The following WWOX variants were observed in gnomAD, a reference collection of about 807,000 sequenced individuals.
The protein encoded by WWOX is WW domain containing oxidoreductase.
A neutral mutation model predicts 46.2 loss-of-function variants in WWOX; 69 were observed. That is an observed-to-expected ratio of 1.49 (90% CI 1.23 to 1.82). The LOEUF (loss-of-function observed/expected upper bound fraction) is 1.82, where lower values mean the gene tolerates loss of function less well. WWOX is among the 40% of genes most tolerant of loss of function. The pLI, the probability that WWOX is intolerant of heterozygous loss-of-function variation, is 0.00. For synonymous variants in WWOX, 359 were observed against 202.6 expected, an observed-to-expected ratio of 1.77 and a Z score of -6.56; for missense variants, 919 against 542.6, an observed-to-expected ratio of 1.69 and a Z score of -6.89.
chr16:78,136,506 G>A (rs1470796053), intron 4 of WWOX, among the ~76,000 whole-genome samples: 1 of 152,082 alleles, frequency 6.6e-6, no homozygotes, highest in African/African-American at 2.4e-5. Context: ...TTCAAATCTA[G>A]AGGACAAAAC....
At chr16:78,365,669 G>T (rs2081520549) in intron 5 of WWOX, among the ~76,000 whole-genome samples, 1 of 152,126 alleles carries the variant, frequency 6.6e-6, no homozygotes, top group Non-Finnish European at 1.5e-5. Flanking sequence ...GTTTAGATTA[G>T]GAACAGATTG....
At chr16:78,530,448 C>A (rs910219996) in intron 8 of WWOX, among the ~76,000 whole-genome samples, 16 of 152,280 alleles carry the variant, frequency 1.1e-4, no homozygotes, top group African/African-American at 3.6e-4. Context: ...AGGTAATTTT[C>A]CCCTGGAGCT....
chr16:79,169,925 A>C lies in WWOX; in HGVS notation c.1057-41683A>C, dbSNP rs192001860. On this transcript the variant is annotated intron_variant, in intron 8 of 8. Coordinates refer to ENST00000566780, the MANE Select transcript of WWOX (RefSeq NM_016373.4). ...TGGAAAAAAACAACCCTCTATGTTG[A>C]TGGCCATGCACAGTGGCTCAGCAGA... Among the ~76,000 whole-genome samples the C allele has an allele frequency of 2.3e-3, 352 of 152,278 alleles. 1 individual carries two copies. Among genetic ancestry groups the C allele is most frequent in the African/African-American group, 7.9e-3 (328 of 41,566 alleles).
intron 8 of WWOX, among the ~76,000 whole-genome samples, chr16:78,939,131 G>A (rs1169345894): frequency 2.0e-5 from 3 of 152,168 alleles, no homozygotes; most frequent in Non-Finnish European, 4.4e-5. Context: ...CCATTGACTT[G>A]GGCTCGAAGT....
At chr16:79,128,984 G>C (rs1250710288) in intron 8 of WWOX, among the ~76,000 whole-genome samples, 1 of 152,168 alleles carries the variant, frequency 6.6e-6, no homozygotes, top group African/African-American at 2.4e-5. Flanking sequence ...TCCCTTCTCT[G>C]GGTTAGAAAT....
chr16:78,278,173 C>A (rs986773175), intron 5 of WWOX, among the ~76,000 whole-genome samples: 1 of 152,044 alleles, frequency 6.6e-6, no homozygotes, highest in African/African-American at 2.4e-5. Context: ...GCAGGCAGTG[C>A]GAAAACTGTA....
intron 8 of WWOX, among the ~76,000 whole-genome samples, chr16:78,435,248 C>T (rs1006056707): frequency 5.3e-5 from 8 of 152,062 alleles, no homozygotes; most frequent in African/African-American, 1.2e-4. Context: ...CAGTGAGCAC[C>T]GTACCTGTAG....
At chr16:78,204,316 A>C (rs2036324161) in intron 5 of WWOX, among the ~76,000 whole-genome samples, 1 of 152,068 alleles carries the variant, frequency 6.6e-6, no homozygotes, top group African/African-American at 2.4e-5. Flanking sequence ...TGTGGGGTAC[A>C]TCCGATGTTT....
intron 8 of WWOX, among the ~76,000 whole-genome samples, chr16:78,804,952 A>G (rs1362202187): frequency 2.0e-5 from 3 of 152,226 alleles, no homozygotes; most frequent in Admixed American, 1.3e-4. Context: ...ATTGCTACCA[A>G]TGTCTATGGA....
intron 8 of WWOX, among the ~76,000 whole-genome samples, chr16:78,751,027 C>G (rs558598588): frequency 4.6e-5 from 7 of 152,114 alleles, no homozygotes; most frequent in African/African-American, 9.6e-5. Flanking sequence ...ATTGCTAGGT[C>G]AAATGGTAAT....
chr16:79,011,809 A>G (rs1445054800), intron 8 of WWOX, among the ~76,000 whole-genome samples: 2 of 152,072 alleles, frequency 1.3e-5, no homozygotes, highest in South Asian at 2.1e-4. Context: ...TTTAAAAAAC[A>G]AAAAAACAAA....
intron 8 of WWOX, among the ~76,000 whole-genome samples, chr16:78,762,034 A>C (rs1337800969): frequency 1.3e-5 from 2 of 152,200 alleles, no homozygotes; most frequent in Non-Finnish European, 2.9e-5. Context: ...GATTGAAGAA[A>C]TATTACTCCT....
intron 8 of WWOX, among the ~76,000 whole-genome samples, chr16:78,557,241 C>T (rs557187438): frequency 6.6e-6 from 1 of 152,114 alleles, no homozygotes; most frequent in South Asian, 2.1e-4. Flanking sequence ...TTATTATTTA[C>T]CTTAAGACCT....
At chr16:78,901,838 C>T (rs1447396729) in intron 8 of WWOX, among the ~76,000 whole-genome samples, 1 of 152,172 alleles carries the variant, frequency 6.6e-6, no homozygotes, top group Non-Finnish European at 1.5e-5. Flanking sequence ...CTGTCGCTGC[C>T]CAGGATAGAG....
intron 4 of WWOX, among the ~76,000 whole-genome samples, chr16:78,147,682 T>TTGTTTTTG (rs1283129822): frequency 9.1e-6 from 1 of 109,512 alleles, no homozygotes; most frequent in Non-Finnish European, 1.9e-5. Flanking sequence ...TTCCTTTTTT[T>TTGTTTTTG]TTTTTTTTTT....
intron 8 of WWOX, among the ~76,000 whole-genome samples, chr16:79,176,735 A>T (rs75260805): frequency 0.027 from 4,067 of 152,264 alleles, 203 homozygotes; most frequent in African/African-American, 0.092. Context: ...AAGGAGGCAT[A>T]GTGGTATGTT....
chr16:79,053,503 A>C (rs764371098), intron 8 of WWOX, among the ~76,000 whole-genome samples: 2 of 152,164 alleles, frequency 1.3e-5, no homozygotes, highest in African/African-American at 4.8e-5. Flanking sequence ...AGGTAATGTA[A>C]ATGTGTTGCT....
chr16:78,435,823 A>T (rs181216545), intron 8 of WWOX, among the ~76,000 whole-genome samples: 2 of 152,184 alleles, frequency 1.3e-5, no homozygotes, highest in East Asian at 3.9e-4. Flanking sequence ...TCTCATTACG[A>T]TGAAAATTGT....
chr16:78,102,693 C>G (rs2031876261), intron 1 of WWOX, among the ~76,000 whole-genome samples: 3 of 152,224 alleles, frequency 2.0e-5, no homozygotes, highest in Admixed American at 2.0e-4. Context: ...TGTTTCTCTG[C>G]TTCTTCGTGC....
Sources: allele counts gnomAD v4.1 joint callset (sites outside exome capture counted in the v4.1 genomes callset), GRCh38; gene constraint gnomAD v4.1.1; transcripts MANE v1.5; gene names NCBI Gene and HGNC (gene_info 2026-07-23, HGNC 2026-07-21).